The following TMEM130 variants were observed in gnomAD, a reference collection of about 807,000 sequenced individuals.
The protein encoded by TMEM130 is transmembrane protein 130.
In TMEM130, 37 loss-of-function variants were observed where a neutral mutation model predicts 42.9. The observed-to-expected ratio is 0.86, with a 90% CI of 0.66 to 1.13. TMEM130 has a LOEUF of 1.13. Ranked by LOEUF, TMEM130 falls within the 50% of genes most tolerant of loss-of-function variation. The pLI is 0.00. For missense variants in TMEM130, 545 were observed against 562.6 expected (o/e 0.97, Z 0.32); for synonymous variants, 259 against 237.7 (o/e 1.09, Z -0.82).
intron 1 of TMEM130, among the ~76,000 whole-genome samples, chr7:98,868,124 G>A (rs1794949860): frequency 6.6e-6 from 1 of 152,240 alleles, no homozygotes; most frequent in South Asian, 2.1e-4. Flanking sequence ...AGCTACTTGG[G>A]AGGCTGAGGC....
chr7:98,857,622 G>C (rs1794663442), intron 3 of TMEM130, among the ~76,000 whole-genome samples: 1 of 151,850 alleles, frequency 6.6e-6, no homozygotes, highest in Non-Finnish European at 1.5e-5. Flanking sequence ...ATCACTTGAG[G>C]CCAGGAGGCG....
In TMEM130 at chr7:98,850,331, G is replaced by A. The variant is rs570826545; in HGVS notation, c.1006+1090C>T. Among the ~76,000 whole-genome samples, 7 of 142,126 alleles carry A rather than the reference G, an allele frequency of 4.9e-5. No homozygotes were observed. The South Asian group carries it at 1.6e-3, about 33-fold the overall frequency. 93.2% of individuals were successfully genotyped at this position (142,126 alleles called of 152,430 possible). A position where few individuals can be genotyped will look rare whatever the true frequency, so the allele number is the denominator to read the frequency against. The stretch of plus-strand genomic sequence containing the variant: ...GCCTCTCTGTGGCCCAGGCTGGAGT[G>A]CAGCAGCTCAATCTCAGCTCACTGC... On this transcript the variant is annotated intron_variant, in intron 6 of 7. Coordinates refer to ENST00000339375, the MANE Select transcript of TMEM130 (RefSeq NM_152913.3).
chr7:98,864,042 A>G (rs923637453), intron 1 of TMEM130, among the ~76,000 whole-genome samples: 1 of 151,850 alleles, frequency 6.6e-6, no homozygotes. Context: ...ATAGGCACAC[A>G]CCACCACACC....
intron 7 of TMEM130, 130 bp downstream of exon 7, chr7:98,848,453 C>A: frequency 1.3e-6 from 1 of 793,586 alleles, no homozygotes; most frequent in South Asian, 1.7e-5. Flanking sequence ...GGCACATCAC[C>A]CCAAGTCCCG....
At position 98,856,046 on chromosome 7, in the gene TMEM130, C is replaced by T. The variant is rs782796247; in HGVS notation, c.689G>A (p.Gly230Glu). ...CAGCTTCAGCGAGGCGGAGAAGTCC[C>T]CGGTCTTCTGCTTCACAGCCCTCGT... is the stretch of plus-strand genomic sequence containing the variant. ...DATRAVKQKTGDFSASLKLQE... is the reference protein window; with the variant it reads ...DATRAVKQKTEDFSASLKLQE... Residue 230 changes from glycine (G) to glutamate (E), a missense_variant, in exon 4 of 8, where the codon GGG (glycine) becomes GAG (glutamate). By Grantham distance (98) the Gly-to-Glu change is moderately conservative. Transcript: ENST00000339375. The T allele has an allele frequency of 6.2e-7, 1 of 1,613,602 alleles. No homozygotes were observed. Among genetic ancestry groups the T allele is most frequent in the Non-Finnish European group, 8.5e-7 (1 of 1,180,048 alleles).
At chr7:98,860,449 T>C (rs1554399658) in intron 2 of TMEM130, 111 bp from the exon 3 acceptor site, 6 of 1,162,720 alleles carry the variant, frequency 5.2e-6, no homozygotes, top group Non-Finnish European at 6.0e-6. Context: ...GCCCGGACCT[T>C]CTGGCTGTCA....
intron 5 of TMEM130, among the ~76,000 whole-genome samples, chr7:98,853,404 G>A (rs1411712383): frequency 1.3e-5 from 2 of 152,122 alleles, no homozygotes; most frequent in African/African-American, 4.8e-5. Flanking sequence ...GAGGTGGGTG[G>A]ATCACTTGAG....
chr7:98,848,011 G>A lies in TMEM130; in HGVS notation c.*45C>T. 1 of 1,574,564 alleles carries A rather than the reference G, an allele frequency of 6.4e-7. No homozygotes were observed. Among genetic ancestry groups the A allele is most frequent in the Non-Finnish European group, 8.7e-7 (1 of 1,154,690 alleles). ...CACACCACCCTGCTGGAAACTCCAAGTCAGCAGTCAGTTAACACTGAGATG... is the reference window on the plus strand; with the variant it reads ...CACACCACCCTGCTGGAAACTCCAAATCAGCAGTCAGTTAACACTGAGATG... On this transcript the variant is annotated 3_prime_UTR_variant, in exon 8 of 8. Coordinates refer to ENST00000339375, the MANE Select transcript of TMEM130 (RefSeq NM_152913.3).
chr7:98,860,149 T>C (rs782817697), intron 3 of TMEM130, 30 bp downstream of exon 3: 93 of 1,603,580 alleles, frequency 5.8e-5, no homozygotes, highest in Non-Finnish European at 7.6e-5. Flanking sequence ...CAGTGACAGC[T>C]GTAGGGCCTG....
chr7:98,869,775 A>G lies in TMEM130; in HGVS notation c.85+2T>C. 1 of 1,402,794 alleles carries G rather than the reference A, an allele frequency of 7.1e-7. No homozygotes were observed. Among genetic ancestry groups the G allele is most frequent in the Non-Finnish European group, 9.2e-7 (1 of 1,081,176 alleles). 86.9% of individuals were successfully genotyped at this position (1,402,794 alleles called of 1,614,324 possible). A position where few individuals can be genotyped will look rare whatever the true frequency, so the allele number is the denominator to read the frequency against. On this transcript the variant is annotated splice_donor_variant, in intron 1 of 7. Transcript: ENST00000339375. LOFTEE classifies it high-confidence loss of function. This position sits in a 1 kb window ranked among gnomAD's most constrained non-coding sequence, Gnocchi z 4.7. ...GGGAGGCCGGATTGCCCAGCGCCTT[A>G]CCTGCGGCCACCCCTGCCGGGGCCC...
Position 98,863,557 on chromosome 7 carries a change from G to A in TMEM130, c.86-157C>T, listed in dbSNP as rs541728105. On this transcript the variant is annotated intron_variant, in intron 1 of 7. Coordinates refer to ENST00000339375, the MANE Select transcript of TMEM130 (RefSeq NM_152913.3). ...TGCCCAAGGGTCACTCAGCCAATTC[G>A]ACATCAAACCTGGGTCCCACTGACT... Among the ~76,000 whole-genome samples, 16 of 152,078 alleles carry A rather than the reference G, an allele frequency of 1.1e-4. 1 individual carries two copies. Among genetic ancestry groups the A allele is most frequent in the Admixed American group, 7.2e-4 (11 of 15,268 alleles).
intron 6 of TMEM130, among the ~76,000 whole-genome samples, chr7:98,850,161 A>G (rs1554397986): frequency 6.8e-6 from 1 of 147,962 alleles, no homozygotes; most frequent in Non-Finnish European, 1.5e-5. Flanking sequence ...GTGATCTACC[A>G]CATCAGCTTC....
intron 3 of TMEM130, among the ~76,000 whole-genome samples, chr7:98,857,930 C>A (rs62471982): frequency 6.6e-6 from 1 of 151,532 alleles, no homozygotes; most frequent in South Asian, 2.1e-4. Context: ...TTAGTACAGA[C>A]GGGGTTTTGC....
chr7:98,859,077 A>C (rs782239870), intron 3 of TMEM130, among the ~76,000 whole-genome samples: 1 of 133,616 alleles, frequency 7.5e-6, no homozygotes, highest in Non-Finnish European at 1.6e-5. Context: ...GAAAAAGGAA[A>C]GGAAAGAAAG....
rs553797812 is a variant in TMEM130, at chr7:98,855,399, G to A, written c.719-75C>T. 1.3e-4 allele frequency: 172 copies of A among 1,340,448 alleles called. No homozygotes were observed. In the African/African-American group the frequency reaches 2.2e-3, roughly 17 times the overall value. 83.0% of individuals were successfully genotyped at this position (1,340,448 alleles called of 1,614,324 possible). Reference sequence around the variant, plus strand: ...CGAGGCTCCCAGGGCACAGGGTGGTGCGACTGCCACCCTGTCCTCCCCTCC... The same window carrying A: ...CGAGGCTCCCAGGGCACAGGGTGGTACGACTGCCACCCTGTCCTCCCCTCC... On this transcript the variant is annotated intron_variant, in intron 4 of 7. Coordinates refer to ENST00000339375, the MANE Select transcript of TMEM130 (RefSeq NM_152913.3).
At chr7:98,853,887 T>C (rs1685124) in intron 5 of TMEM130, among the ~76,000 whole-genome samples, 135,695 of 152,262 alleles carry the variant, frequency 0.89, 60,505 homozygotes, top group South Asian at 0.94. Flanking sequence ...GCACACAGAA[T>C]CCTTGGAAAT....
chr7:98,861,385 C>T (rs956871828), intron 2 of TMEM130, among the ~76,000 whole-genome samples: 2 of 151,430 alleles, frequency 1.3e-5, no homozygotes, highest in African/African-American at 2.4e-5. Context: ...CAGCTTCACA[C>T]GTTGGGACCA....
At chr7:98,850,273 A>ATATATATT in intron 6 of TMEM130, among the ~76,000 whole-genome samples, 3 of 35,462 alleles carry the variant, frequency 8.5e-5, no homozygotes, top group Admixed American at 4.3e-4. Context: ...ATATATATAT[A>ATATATATT]TTTTTTTTTT....
At position 98,869,281 on chromosome 7, in the gene TMEM130, C is replaced by G; in HGVS notation, c.85+496G>C. On this transcript the variant is annotated intron_variant, in intron 1 of 7. Transcript: ENST00000339375. The surrounding 1 kb of genome is among the most constrained non-coding windows in gnomAD (Gnocchi z 4.7). Reference sequence around the variant, plus strand: ...AAATGGCAGCCTGGCCTCCTGGGCTCTAAATTCGCATCTCCCCAAAGCCAG... The same window carrying G: ...AAATGGCAGCCTGGCCTCCTGGGCTGTAAATTCGCATCTCCCCAAAGCCAG... 2 of 1,287,966 alleles carry G rather than the reference C, an allele frequency of 1.6e-6. No homozygotes were observed. Among genetic ancestry groups the G allele is most frequent in the African/African-American group, 3.0e-5 (2 of 65,892 alleles). The allele number at this position is 1,287,966 out of a possible 1,614,324, so 79.8% of individuals were successfully genotyped here. A position where few individuals can be genotyped will look rare whatever the true frequency, so the allele number is the denominator to read the frequency against.
Sources: allele counts gnomAD v4.1 joint callset (sites outside exome capture counted in the v4.1 genomes callset), GRCh38; gene constraint gnomAD v4.1.1; non-coding constraint Gnocchi (gnomAD v3.1); transcripts MANE v1.5; gene names NCBI Gene and HGNC (gene_info 2026-07-23, HGNC 2026-07-21).